Variants in DUOX2 observed in about 807,000 individuals in gnomAD.
DUOX2 encodes NADH/NADPH thyroid oxidase p138-tox.
In DUOX2, 185 loss-of-function variants were observed where a neutral mutation model predicts 183.3. The ratio of observed to expected loss-of-function variants is 1.01; its 90% CI spans 0.90 to 1.14. The LOEUF (loss-of-function observed/expected upper bound fraction) is 1.14. DUOX2 is among the 50% of genes most tolerant of loss of function. The pLI is 0.00. For missense variants in DUOX2, 1,999 were observed against 2,022.9 expected, an observed-to-expected ratio of 0.99 and a Z score of 0.23; for synonymous variants, 788 against 812.4, an observed-to-expected ratio of 0.97 and a Z score of 0.51.
rs10851420 is a variant in DUOX2 at position 45,093,718 on chromosome 15, C to A, written c.*432G>T. 1 of 193,714 alleles carries A rather than the reference C, an allele frequency of 5.2e-6. No homozygotes were observed. Among genetic ancestry groups the A allele is most frequent in the African/African-American group, 2.3e-5 (1 of 43,458 alleles). The allele number at this position is 193,714 out of a possible 1,614,324, so 12.0% of individuals were successfully genotyped here. A position where few individuals can be genotyped will look rare whatever the true frequency, so the allele number is the denominator to read the frequency against. On this transcript the variant is annotated 3_prime_UTR_variant, in exon 34 of 34. Transcript: ENST00000389039. ...GTCAATTAGAGATGTGGGGAGCTATCGGAGACAAGCACTATTGTACCTTTT... is the reference window on the plus strand; with the variant it reads ...GTCAATTAGAGATGTGGGGAGCTATAGGAGACAAGCACTATTGTACCTTTT...
In DUOX2 at chr15:45,105,706, C is replaced by T. The variant is rs1172584957; in HGVS notation, c.2271G>A (p.Lys757=). 6.2e-7 allele frequency: 1 copy of T among 1,614,236 alleles called. No individual in the cohort carries two copies. The highest frequency in any genetic ancestry group is 8.5e-7 in the Non-Finnish European group (1 of 1,180,044). The part of the protein sequence containing the change: ...AEMSEKELFR[K]AVTKQQRERI... ...GTTCCCGCTGCTGCTTTGTCACAGC[C>T]TTCCTAAATAGCTCCTTCTCGCTCA... The change falls in exon 18 of 34, where the codon AAG becomes AAA. Residue 757 remains lysine (K), a synonymous_variant. Transcript: ENST00000389039.
chr15:45,106,675 G>A lies in DUOX2; in HGVS notation c.1832-34C>T, dbSNP rs59248053. On this transcript the variant is annotated intron_variant, in intron 15 of 33. Coordinates refer to ENST00000389039, the MANE Select transcript of DUOX2 (RefSeq NM_001363711.2). Reference sequence around the variant, plus strand: ...GATCAGAAGGAACAGTGAGGAGGGAGCCCCTCACCTAGAGCTCCACTGTGG... The same window carrying A: ...GATCAGAAGGAACAGTGAGGAGGGAACCCCTCACCTAGAGCTCCACTGTGG... 1.9e-4 allele frequency: 313 copies of A among 1,606,800 alleles called. 1 individual carries two copies. The African/African-American group carries it at 3.9e-3, about 20-fold the overall frequency.
rs778987082 is a variant in DUOX2 at position 45,106,819 on chromosome 15, C to T, written c.1831+13G>A. The T allele has an allele frequency of 6.3e-7, 1 of 1,596,934 alleles. No individual in the cohort carries two copies. Among genetic ancestry groups the T allele is most frequent in the Admixed American group, 1.8e-5 (1 of 55,828 alleles). ...GCAGGGCCAGTCTGCAGAGAGGCTG[C>T]CTAAGAGCTCACCTAAGGGAAGGCA... On this transcript the variant is annotated intron_variant, in intron 15 of 33. Transcript: ENST00000389039.
intron 12 of DUOX2, 147 bp downstream of exon 12, chr15:45,108,642 C>T (rs1894295941): frequency 2.2e-6 from 2 of 924,140 alleles, no homozygotes; most frequent in Non-Finnish European, 3.3e-6. Flanking sequence ...GATTTACCAA[C>T]TATGTCATCA....
rs1327425973 is a variant in DUOX2 at position 45,110,674 on chromosome 15, G to T, written c.919C>A (p.Gln307Lys). The change falls in exon 8 of 34, where the codon CAG becomes AAG. Residue 307 changes from glutamine to lysine, a missense_variant. Gln to Lys is a moderately conservative substitution (Grantham distance 53, BLOSUM62 1). Around this residue, in one of 3 missense-constraint regions of DUOX2, gnomAD observed 1,628 missense variants for 1,608.6 expected, o/e 1.01. Coordinates refer to ENST00000389039, the MANE Select transcript of DUOX2 (RefSeq NM_001363711.2). ...CCTGTATACTCCGGGAGTGTTTTCTGCAGGAAGCTGGGCAGCCACTCATAC... is the reference window on the plus strand; with the variant it reads ...CCTGTATACTCCGGGAGTGTTTTCTTCAGGAAGCTGGGCAGCCACTCATAC... The part of the protein sequence containing the change: ...AVYEWLPSFL[Q>K]KTLPEYTGYR... The T allele has an allele frequency of 5.6e-6, 9 of 1,612,462 alleles. No homozygotes were observed. The highest frequency in any genetic ancestry group is 2.1e-4 in the Middle Eastern group (1 of 4,862).
chr15:45,110,141 T>A (rs1313192383), intron 9 of DUOX2, among the ~76,000 whole-genome samples, 161 bp from the exon 10 acceptor site: 1 of 152,022 alleles, frequency 6.6e-6, no homozygotes, highest in Non-Finnish European at 1.5e-5. Flanking sequence ...TTACTGAAGA[T>A]AGAGTGCGCT....
At chr15:45,105,031 T>G (rs1373351968) in intron 18 of DUOX2, among the ~76,000 whole-genome samples, 2 of 152,064 alleles carry the variant, frequency 1.3e-5, no homozygotes, top group African/African-American at 4.8e-5. Flanking sequence ...ATGTTGGCCA[T>G]GCTAGTCTCG....
At position 45,107,352 on chromosome 15, in the gene DUOX2, C is replaced by G. The variant is rs142407409; in HGVS notation, c.1686G>C (p.Trp562Cys). ...TTCTCCCACGGCACTCACCTTTATG[C>G]CAGACAAAGACATTGGGCTGCAGGG... ...PSALQPNVFV[W>C]HKGAPCPQPK... is the part of the protein sequence containing the mutation. Residue 562 changes from tryptophan (W) to cysteine (C), a missense_variant, in exon 14 of 34, where the codon TGG (tryptophan) becomes TGC (cysteine). By Grantham distance (215) the Trp-to-Cys change is radical. This residue lies in a region of DUOX2 where 1,628 missense variants were observed against 1,608.6 expected (regional missense o/e 1.01). Transcript: ENST00000389039. 2.4e-5 allele frequency: 38 copies of G among 1,614,218 alleles called. No homozygotes were observed. The African/African-American group carries it at 4.5e-4, about 19-fold the overall frequency.
At chr15:45,110,101 T>G in intron 9 of DUOX2, 121 bp from the exon 10 acceptor site, 1 of 905,148 alleles carries the variant, frequency 1.1e-6, no homozygotes, top group South Asian at 1.4e-5. Flanking sequence ...GGAACTTCCT[T>G]GAACACGGCA....
Position 45,108,790 on chromosome 15 carries a change from T to C in DUOX2, c.1397A>G (p.Gln466Arg). 6.2e-7 allele frequency: 1 copy of C among 1,614,238 alleles called. No homozygotes were observed. Among genetic ancestry groups the C allele is most frequent in the Non-Finnish European group, 8.5e-7 (1 of 1,180,026 alleles). Residue 466 changes from glutamine (Q) to arginine (R), a missense_variant and splice_region_variant, in exon 12 of 34, where the codon CAG becomes CGG. Physicochemically the swap from Gln to Arg is conservative, Grantham distance 43 (BLOSUM62 1). Coordinates refer to ENST00000389039, the MANE Select transcript of DUOX2 (RefSeq NM_001363711.2). ...WSDLNPNVDPQVLEATAALYN... is the reference protein window; with the variant it reads ...WSDLNPNVDPRVLEATAALYN... ...ATTATTATCATTACTATTCCTGACCTGGGGGTCCACATTAGGGTTGAGATC... is the reference window on the plus strand; with the variant it reads ...ATTATTATCATTACTATTCCTGACCCGGGGGTCCACATTAGGGTTGAGATC...
In DUOX2 at chr15:45,103,981, T is replaced by A; in HGVS notation, c.2633A>T (p.Asp878Val). 1 of 1,614,132 alleles carries A rather than the reference T, an allele frequency of 6.2e-7. No homozygotes were observed. Among genetic ancestry groups the A allele is most frequent in the Non-Finnish European group, 8.5e-7 (1 of 1,180,032 alleles). ...ATACCGCATCATGGTGAAGAATTCG[T>A]CCTTGGAGAGGAAGCCATTCTCATC... ...DLDENGFLSK[D>V]EFFTMMRSFI... The change falls in exon 20 of 34, where the codon GAC (aspartate) becomes GTC (valine). Residue 878 changes from aspartate to valine, a missense_variant. Asp to Val is a radical substitution (Grantham distance 152). Coordinates refer to ENST00000389039, the MANE Select transcript of DUOX2 (RefSeq NM_001363711.2).
Position 45,113,957 on chromosome 15 carries a change from CA to C in DUOX2, c.-15+15del, listed in dbSNP as rs571550608. The C allele has an allele frequency of 3.7e-3, 719 of 192,410 alleles. 3 individuals carry two copies. Among genetic ancestry groups the C allele is most frequent in the African/African-American group, 0.016 (699 of 43,004 alleles). The allele number at this position is 192,410 out of a possible 1,614,324, so 11.9% of individuals were successfully genotyped here. On this transcript the variant is annotated intron_variant, in intron 1 of 33. Coordinates refer to ENST00000389039, the MANE Select transcript of DUOX2 (RefSeq NM_001363711.2). ...ATGGGCGAGGGCTAGGGTCAGATCC[CA>C]AACTCTGGTCTAACCTGTGGTTTAG...
In DUOX2 at chr15:45,093,485, C is replaced by T. The variant is rs3743221; in HGVS notation, c.*665G>A. On this transcript the variant is annotated 3_prime_UTR_variant, in exon 34 of 34. Transcript: ENST00000389039. Reference sequence around the variant, plus strand: ...CTCAAAGTTGCTGACACTTTGGGGACGGGAAGGGGTAGAAGTAGGGCTGCT... The same window carrying T: ...CTCAAAGTTGCTGACACTTTGGGGATGGGAAGGGGTAGAAGTAGGGCTGCT... The T allele has an allele frequency of 6.3e-4, 96 of 152,366 alleles. No individual in the cohort carries two copies. The highest frequency in any genetic ancestry group is 7.3e-4 in the Non-Finnish European group (50 of 68,244). The allele number at this position is 152,366 out of a possible 1,614,324, so 9.4% of individuals were successfully genotyped here.
chr15:45,097,849 G>C, intron 27 of DUOX2, 108 bp from the exon 28 acceptor site: 1 of 1,593,710 alleles, frequency 6.3e-7, no homozygotes, highest in South Asian at 1.1e-5. Context: ...TCATCCCTCC[G>C]GGGCCCCCAG....
rs779678415 is a variant in DUOX2, at chr15:45,110,021, A to G, written c.1041-41T>C. 7.4e-5 allele frequency: 118 copies of G among 1,590,478 alleles called. 2 individuals are homozygous for G. The South Asian group carries it at 1.2e-3, about 17-fold the overall frequency. On this transcript the variant is annotated intron_variant, in intron 9 of 33. Transcript: ENST00000389039. ...AAGGATGTGGTGAGGGAATTTGGAG[A>G]AGAATCAAAGATGGGGTTGAGTGGG... is the stretch of plus-strand genomic sequence containing the variant.
chr15:45,094,889 A>C, intron 32 of DUOX2, 47 bp downstream of exon 32: 1 of 1,611,764 alleles, frequency 6.2e-7, no homozygotes, highest in Non-Finnish European at 8.5e-7. Context: ...TTACGCTGCC[A>C]ATCCATCTGC....
At position 45,106,517 on chromosome 15, in the gene DUOX2, C is replaced by A. The variant is rs768959571; in HGVS notation, c.1945+11G>T. 1.9e-6 allele frequency: 3 copies of A among 1,613,642 alleles called. No individual in the cohort carries two copies. The highest frequency in any genetic ancestry group is 2.5e-6 in the Non-Finnish European group (3 of 1,179,614). Reference sequence around the variant, plus strand: ...CGTCCCTCCTCCCTCCTCTGCCCAGCCCCTGCTCACCTGGCACTCCATCTT... The same window carrying A: ...CGTCCCTCCTCCCTCCTCTGCCCAGACCCTGCTCACCTGGCACTCCATCTT... On this transcript the variant is annotated intron_variant, in intron 16 of 33. Transcript: ENST00000389039.
Position 45,104,156 on chromosome 15 carries a change from C to G in DUOX2, c.2544G>C (p.Leu848=), listed in dbSNP as rs139095108. The G allele has an allele frequency of 3.7e-3, 6,049 of 1,614,146 alleles. 18 individuals carry two copies. Among genetic ancestry groups the G allele is most frequent in the Non-Finnish European group, 4.8e-3 (5,641 of 1,180,016 alleles). Residue 848 remains leucine (L), a synonymous_variant, in exon 19 of 34, where the codon CTG becomes CTC. Transcript: ENST00000389039. Reference sequence around the variant, plus strand: ...GCCCCCTACCTTTCATGAAGACCACCAGGATGTCCAGGAACTCTCGGAAGG... The same window carrying G: ...GCCCCCTACCTTTCATGAAGACCACGAGGATGTCCAGGAACTCTCGGAAGG... ...YLSFREFLDI[L]VVFMKGSPED...
chr15:45,103,983 C>T lies in DUOX2; in HGVS notation c.2631G>A (p.Lys877=), dbSNP rs1323761892. Residue 877 remains lysine, a synonymous_variant, in exon 20 of 34, where the codon AAG becomes AAA. Coordinates refer to ENST00000389039, the MANE Select transcript of DUOX2 (RefSeq NM_001363711.2). ...ACCGCATCATGGTGAAGAATTCGTC[C>T]TTGGAGAGGAAGCCATTCTCATCCA... ...YDLDENGFLS[K]DEFFTMMRSF... 4 of 1,614,136 alleles carry T rather than the reference C, an allele frequency of 2.5e-6. No homozygotes were observed. The Admixed American group carries it at 5.0e-5, about 20-fold the overall frequency.
Sources: gnomAD v4.1 joint callset for allele counts (sites outside exome capture counted in the v4.1 genomes callset) on GRCh38, gnomAD v4.1.1 for gene constraint, gnomAD v4.1.1 regional missense constraint, MANE v1.5 for transcripts, NCBI Gene and HGNC (gene_info 2026-07-23, HGNC 2026-07-21) for gene names.